Variants in DAB1 observed in about 807,000 individuals in gnomAD.
DAB1 encodes the protein disabled homolog 1.
Under a neutral mutation model 64.6 loss-of-function variants are expected in DAB1, and 15 were observed. The ratio of observed to expected loss-of-function variants is 0.23; its 90% CI spans 0.16 to 0.36. DAB1 has a LOEUF of 0.36. DAB1 is among the 10% of genes least tolerant of loss of function. The pLI, the probability that DAB1 is intolerant of heterozygous loss-of-function variation, is 1.00. For synonymous variants in DAB1, 235 were observed against 251.9 expected (o/e 0.93, Z 0.64); for missense variants, 596 against 706.7 (o/e 0.84, Z 1.78).
At chr1:57,314,788 AG>A (rs1675051888) in intron 1 of DAB1, among the ~76,000 whole-genome samples, 1 of 151,860 alleles carries the variant, frequency 6.6e-6, no homozygotes, top group African/African-American at 2.4e-5. Context: ...ACACACACAA[AG>A]AAAGGGATGA....
At chr1:58,109,245 CAT>C (rs1651837827) in intron 5 of DAB1, among the ~76,000 whole-genome samples, 1 of 152,166 alleles carries the variant, frequency 6.6e-6, no homozygotes, top group Non-Finnish European at 1.5e-5. Flanking sequence ...AGGTCTAACA[CAT>C]GTTTTGTGAG....
At chr1:58,220,988 T>C (rs916153624) in intron 4 of DAB1, among the ~76,000 whole-genome samples, 5 of 116,468 alleles carry the variant, frequency 4.3e-5, no homozygotes, top group East Asian at 2.5e-4. Context: ...AGCTATGAGA[T>C]TGATTTTTTT....
chr1:58,216,192 C>A (rs1211582123), intron 4 of DAB1, among the ~76,000 whole-genome samples: 1 of 152,168 alleles, frequency 6.6e-6, no homozygotes, highest in Middle Eastern at 3.4e-3. Context: ...CCCCCACCCC[C>A]CAACAGGCCT....
intron 4 of DAB1, among the ~76,000 whole-genome samples, chr1:57,117,900 G>A (rs915107768): frequency 1.3e-5 from 2 of 152,082 alleles, no homozygotes; most frequent in Admixed American, 1.3e-4. Flanking sequence ...GGGGATGGTA[G>A]GCTGGTCCTG....
chr1:58,511,816 C>A (rs918201182), intron 2 of DAB1, among the ~76,000 whole-genome samples: 10 of 152,010 alleles, frequency 6.6e-5, no homozygotes, highest in Non-Finnish European at 1.5e-4. Flanking sequence ...CTATAAAACT[C>A]CTAGAAGAAA....
chr1:57,195,477 T>C (rs498772), intron 2 of DAB1, among the ~76,000 whole-genome samples: 1 of 152,150 alleles, frequency 6.6e-6, no homozygotes, highest in African/African-American at 2.4e-5. Context: ...GCTGGCCTTT[T>C]CCCATCATAT....
intron 4 of DAB1, among the ~76,000 whole-genome samples, chr1:58,319,313 C>T (rs1281756957): frequency 6.6e-6 from 1 of 152,184 alleles, no homozygotes; most frequent in Non-Finnish European, 1.5e-5. Context: ...TCTCAAATTA[C>T]TTTTCTGCTT....
At chr1:57,354,214 G>C (rs142318534) in intron 1 of DAB1, among the ~76,000 whole-genome samples, 13 of 152,100 alleles carry the variant, frequency 8.5e-5, no homozygotes, top group African/African-American at 3.1e-4. Context: ...CAGGGTCCTA[G>C]AATCAAATTA....
intron 5 of DAB1, among the ~76,000 whole-genome samples, chr1:58,003,918 C>A (rs1033524478): frequency 6.6e-6 from 1 of 152,194 alleles, no homozygotes; most frequent in Non-Finnish European, 1.5e-5. Flanking sequence ...TCAGCCACCC[C>A]CAGCCGAAGG....
intron 5 of DAB1, among the ~76,000 whole-genome samples, chr1:58,024,910 T>A (rs553486851): frequency 2.6e-5 from 4 of 152,268 alleles, no homozygotes; most frequent in African/African-American, 9.6e-5. Context: ...TGGAACTAAA[T>A]CAGCAGCTAT....
intron 3 of DAB1, among the ~76,000 whole-genome samples, chr1:58,427,820 T>C (rs549599017): frequency 9.2e-4 from 140 of 152,078 alleles, no homozygotes; most frequent in Non-Finnish European, 1.5e-3. Flanking sequence ...AGGCCTGAAA[T>C]AAAGATAAAA....
chr1:58,213,826 G>A lies in DAB1; in HGVS notation n.310-63238C>T, dbSNP rs144027912. Among the ~76,000 whole-genome samples the A allele has an allele frequency of 2.0e-5, 3 of 152,228 alleles. No homozygotes were observed. The East Asian group carries it at 5.8e-4, about 29-fold the overall frequency. On this transcript the variant is annotated intron_variant and non_coding_transcript_variant, in intron 4 of 20. Transcript: ENST00000485760. Reference sequence around the variant, plus strand: ...GTACTCCTCATTCAACAATATTTATGTCTGATGACTTCACCTCCTACTTGT... The same window carrying A: ...GTACTCCTCATTCAACAATATTTATATCTGATGACTTCACCTCCTACTTGT...
intron 7 of DAB1, among the ~76,000 whole-genome samples, chr1:57,600,429 C>G (rs1645563445): frequency 6.6e-6 from 1 of 152,188 alleles, no homozygotes; most frequent in South Asian, 2.1e-4. Context: ...TCATTTCCAG[C>G]CTTTCTAGAA....
At chr1:57,775,641 A>G (rs1649760525) in intron 6 of DAB1, among the ~76,000 whole-genome samples, 1 of 151,596 alleles carries the variant, frequency 6.6e-6, no homozygotes, top group Admixed American at 6.6e-5. Flanking sequence ...ATTTTGGTGA[A>G]AGTTCCATGA....
At chr1:57,145,892 C>T (rs569375335) in intron 2 of DAB1, among the ~76,000 whole-genome samples, 1 of 152,282 alleles carries the variant, frequency 6.6e-6, no homozygotes, top group South Asian at 2.1e-4. Context: ...CCTCTTCCCA[C>T]CCAATTCCAT....
chr1:57,459,989 C>T (rs1042197806), intron 7 of DAB1, among the ~76,000 whole-genome samples: 5 of 152,106 alleles, frequency 3.3e-5, no homozygotes, highest in African/African-American at 1.2e-4. Flanking sequence ...AACACTATAC[C>T]CACCTTACAG....
At position 58,109,161 on chromosome 1, in the gene DAB1, A is replaced by T. The variant is rs112210450; in HGVS notation, n.387+41350T>A. Among the ~76,000 whole-genome samples the T allele has an allele frequency of 2.1e-3, 315 of 152,300 alleles. 2 individuals carry two copies. Among genetic ancestry groups the T allele is most frequent in the African/African-American group, 7.3e-3 (302 of 41,574 alleles). On this transcript the variant is annotated intron_variant and non_coding_transcript_variant, in intron 5 of 20. Coordinates refer to the DAB1 transcript ENST00000485760. Reference sequence around the variant, plus strand: ...TTAACTGCTTCACATATGGGGTTTGATCTAGAATTCTCTTTGAAGAAAGGG... The same window carrying T: ...TTAACTGCTTCACATATGGGGTTTGTTCTAGAATTCTCTTTGAAGAAAGGG...
chr1:57,622,563 G>T (rs1179872742), intron 7 of DAB1, among the ~76,000 whole-genome samples: 1 of 152,198 alleles, frequency 6.6e-6, no homozygotes, highest in East Asian at 1.9e-4. Flanking sequence ...CAGCAAGTCT[G>T]TGTGGTAGCT....
chr1:57,839,791 C>T (rs532922234), intron 1 of DAB1, among the ~76,000 whole-genome samples: 2 of 152,336 alleles, frequency 1.3e-5, no homozygotes, highest in African/African-American at 4.8e-5. Context: ...CTAGCCCTGC[C>T]TCTGCCCTGT....
Sources: gnomAD v4.1 joint callset for allele counts (sites outside exome capture counted in the v4.1 genomes callset) on GRCh38, gnomAD v4.1.1 for gene constraint, MANE v1.5 for transcripts, NCBI Gene and HGNC (gene_info 2026-07-23, HGNC 2026-07-21) for gene names.